SCARB2: variants seen among roughly 807,000 people sequenced by gnomAD.
The protein encoded by SCARB2 is lysosome membrane protein 2.
SCARB2 carries 29 observed loss-of-function variants against 58.6 expected under a neutral mutation model. The observed-to-expected ratio is 0.49, with a 90% CI of 0.37 to 0.67. The LOEUF is 0.67. Among genes scored for constraint, SCARB2 ranks in the 30% least tolerant of loss-of-function variants. The probability of loss-of-function intolerance (pLI) is 0.00; values close to 1 mark genes in which losing one functional copy is unlikely to be tolerated. For missense variants in SCARB2, 488 were observed against 578.5 expected (o/e 0.84, Z 1.60); for synonymous variants, 195 against 210.1 (o/e 0.93, Z 0.62).
In SCARB2 at chr4:76,179,508, T is replaced by C. The variant is rs1255966631; in HGVS notation, c.612+9A>G. 6 of 1,606,726 alleles carry C rather than the reference T, an allele frequency of 3.7e-6. No individual in the cohort carries two copies. Among genetic ancestry groups the C allele is most frequent in the Admixed American group, 1.7e-5 (1 of 60,012 alleles). On this transcript the variant is annotated intron_variant, in intron 4 of 11. Transcript: ENST00000264896. ...AAAAAAGAGGTTCTGAAAAGAAAAA[T>C]CTACTTACCTCATAGAATAGGCCAA...
At chr4:76,174,102 C>A (rs1396971321) in intron 7 of SCARB2, 42 bp downstream of exon 7, 1 of 1,610,358 alleles carries the variant, frequency 6.2e-7, no homozygotes, top group African/African-American at 1.3e-5. Flanking sequence ...AATCCTTCTG[C>A]ATTCTTGACA....
At chr4:76,226,617 A>G (rs1048255680) in intron 1 of SCARB2, among the ~76,000 whole-genome samples, 1 of 152,150 alleles carries the variant, frequency 6.6e-6, no homozygotes, top group Non-Finnish European at 1.5e-5. Flanking sequence ...CCCTGGACCC[A>G]GGACATGTTC....
At chr4:76,179,779 A>T (rs2109947531) in intron 3 of SCARB2, 74 bp from the exon 4 acceptor site, 1 of 1,088,734 alleles carries the variant, frequency 9.2e-7, no homozygotes, top group Non-Finnish European at 1.4e-6. Context: ...CTACTACCCC[A>T]TAGCAAAGGG....
At chr4:76,219,526 G>T (rs906325208) in intron 1 of SCARB2, among the ~76,000 whole-genome samples, 13 of 152,150 alleles carry the variant, frequency 8.5e-5, no homozygotes, top group Non-Finnish European at 1.8e-4. Flanking sequence ...TAAACAACAC[G>T]AGAGGTCACA....
At chr4:76,179,343 C>T (rs1277417932) in intron 4 of SCARB2, 174 bp downstream of exon 4, 5 of 610,610 alleles carry the variant, frequency 8.2e-6, no homozygotes, top group Admixed American at 2.8e-5. Flanking sequence ...CATTAGCCAC[C>T]GCACCCGGCC....
chr4:76,199,131 A>C (rs1732778416), intron 1 of SCARB2, among the ~76,000 whole-genome samples: 1 of 152,142 alleles, frequency 6.6e-6, no homozygotes, highest in African/African-American at 2.4e-5. Context: ...TGACACTACA[A>C]AATAAAAATC....
At chr4:76,204,894 G>C (rs1732898217) in intron 1 of SCARB2, among the ~76,000 whole-genome samples, 1 of 152,192 alleles carries the variant, frequency 6.6e-6, no homozygotes, top group Admixed American at 6.5e-5. Flanking sequence ...GAAGTACAGT[G>C]TTAAAAGAAA....
chr4:76,229,209 A>G (rs1004840811), intron 1 of SCARB2, among the ~76,000 whole-genome samples: 6 of 151,910 alleles, frequency 3.9e-5, no homozygotes, highest in African/African-American at 1.5e-4. Context: ...TTTCTTTATG[A>G]TGTCTGTTTC....
At chr4:76,220,389 G>C (rs2109979322) in intron 1 of SCARB2, among the ~76,000 whole-genome samples, 1 of 152,338 alleles carries the variant, frequency 6.6e-6, no homozygotes, top group South Asian at 2.1e-4. Flanking sequence ...TATTTTGGGA[G>C]ACTGAGGCAG....
chr4:76,201,627 G>C (rs919265906), intron 1 of SCARB2, among the ~76,000 whole-genome samples: 1 of 152,170 alleles, frequency 6.6e-6, no homozygotes, highest in Non-Finnish European at 1.5e-5. Context: ...CAGTACTGCA[G>C]AATCAAGAAG....
upstream of SCARB2, chr4:76,214,243 G>A (rs143733202): frequency 1.2e-3 from 559 of 455,108 alleles, 5 homozygotes; most frequent in Middle Eastern, 9.6e-3. Context: ...ACACAATGTA[G>A]CAAGTGCTTC....
intron 1 of SCARB2, among the ~76,000 whole-genome samples, chr4:76,198,803 G>T (rs1172169203): frequency 4.6e-5 from 7 of 151,724 alleles, no homozygotes; most frequent in Non-Finnish European, 2.9e-5. Flanking sequence ...GAAACCCTCT[G>T]TCAATCCCAG....
At position 76,174,175 on chromosome 4, in the gene SCARB2, T is replaced by C; in HGVS notation, c.963A>G (p.Ser321=). Reference sequence around the variant, plus strand: ...TGCAGATGCTGACATTCAGAACTCCTGAGCCCAGGCAGTTTCCCTCAGGTA... The same window carrying C: ...TGCAGATGCTGACATTCAGAACTCCCGAGCCCAGGCAGTTTCCCTCAGGTA... ...FCIPEGNCLG[S]GVLNVSICKN... The change falls in exon 7 of 12, where the codon TCA becomes TCG. Residue 321 remains serine, a synonymous_variant. Transcript: ENST00000264896. 1 of 1,614,150 alleles carries C rather than the reference T, an allele frequency of 6.2e-7. No homozygotes were observed. Among genetic ancestry groups the C allele is most frequent in the Non-Finnish European group, 8.5e-7 (1 of 1,180,032 alleles).
intron 2 of SCARB2, among the ~76,000 whole-genome samples, chr4:76,191,697 C>G (rs1732608581): frequency 6.6e-6 from 1 of 151,686 alleles, no homozygotes. Flanking sequence ...TCAGGTCTCT[C>G]CCTCTTTCTT....
intron 2 of SCARB2, among the ~76,000 whole-genome samples, chr4:76,186,552 T>A (rs1163044663): frequency 6.6e-6 from 1 of 151,980 alleles, no homozygotes; most frequent in Admixed American, 6.6e-5. Context: ...AACCTGTAGA[T>A]ACAAAGCAGG....
chr4:76,177,767 C>G (rs1732283339), intron 4 of SCARB2, among the ~76,000 whole-genome samples: 2 of 152,144 alleles, frequency 1.3e-5, no homozygotes, highest in Non-Finnish European at 2.9e-5. Context: ...ATTTAAAAAG[C>G]AGACACAGAA....
intron 3 of SCARB2, 169 bp downstream of exon 3, chr4:76,180,785 A>T (rs1399543368): frequency 6.4e-6 from 3 of 466,682 alleles, no homozygotes; most frequent in Non-Finnish European, 7.2e-6. Flanking sequence ...ACATCTTAGA[A>T]AAAAGTCCAA....
chr4:76,208,536 C>CT (rs1482431895), intron 1 of SCARB2, among the ~76,000 whole-genome samples: 1 of 152,154 alleles, frequency 6.6e-6, no homozygotes, highest in East Asian at 1.9e-4. Context: ...TGAGGCGGGG[C>CT]TGAGCAAGCC....
At chr4:76,177,144 ATAT>A (rs1002317459) in intron 4 of SCARB2, 2 of 152,160 alleles carry the variant, frequency 1.3e-5, no homozygotes, top group African/African-American at 4.8e-5. Context: ...TATATTAACC[ATAT>A]TATTATTTTA....
Sources: gnomAD v4.1 joint callset for allele counts (sites outside exome capture counted in the v4.1 genomes callset) on GRCh38, gnomAD v4.1.1 for gene constraint, MANE v1.5 for transcripts, NCBI Gene and HGNC (gene_info 2026-07-23, HGNC 2026-07-21) for gene names.